Variants in SPTBN1 observed in about 807,000 individuals in gnomAD.
SPTBN1 encodes spectrin beta chain, non-erythrocytic 1.
Under a neutral mutation model 266.4 loss-of-function variants are expected in SPTBN1, and 32 were observed. That is an observed-to-expected ratio of 0.12 (90% confidence interval 0.09 to 0.16). SPTBN1 has a LOEUF of 0.16. Among genes scored for constraint, SPTBN1 ranks in the 10% least tolerant of loss-of-function variants. The pLI is 1.00. For missense variants in SPTBN1, 2,296 were observed against 3,067.1 expected, an observed-to-expected ratio of 0.75 and a Z score of 5.94; for synonymous variants, 1,336 against 1,162.2, an observed-to-expected ratio of 1.15 and a Z score of -3.04.
intron 1 of SPTBN1, among the ~76,000 whole-genome samples, chr2:54,503,122 A>C (rs1392713973): frequency 6.6e-6 from 1 of 152,100 alleles, no homozygotes; most frequent in Non-Finnish European, 1.5e-5. Flanking sequence ...TGTTGTGTGG[A>C]GGTTAATCTG....
At chr2:54,492,905 T>G (rs1259121871) in intron 1 of SPTBN1, among the ~76,000 whole-genome samples, 2 of 152,186 alleles carry the variant, frequency 1.3e-5, no homozygotes, top group South Asian at 4.1e-4. Context: ...TTTAGAAAAT[T>G]GTTGTGCAGT....
chr2:54,598,423 G>A (rs905475262), intron 2 of SPTBN1, among the ~76,000 whole-genome samples: 2 of 151,556 alleles, frequency 1.3e-5, no homozygotes, highest in Non-Finnish European at 2.9e-5. Flanking sequence ...AAGACTTCCC[G>A]ATGCCTGCGA....
chr2:54,514,556 A>G (rs1384499387), intron 1 of SPTBN1, among the ~76,000 whole-genome samples: 4 of 152,266 alleles, frequency 2.6e-5, no homozygotes, highest in Admixed American at 6.5e-5. Context: ...TTGTAGGAAG[A>G]AGATGGCTAA....
At chr2:54,621,776 C>G (rs1019785259) in intron 8 of SPTBN1, among the ~76,000 whole-genome samples, 2 of 152,218 alleles carry the variant, frequency 1.3e-5, no homozygotes, top group Non-Finnish European at 2.9e-5. Flanking sequence ...TATTGGAAAT[C>G]TGATCGAGTT....
rs532871729 is a variant in SPTBN1 at position 54,461,036 on chromosome 2, A to G, written c.-48+4518A>G. The stretch of plus-strand genomic sequence containing the variant: ...AAAAATCATAAACCAAGGGACACTC[A>G]GGCAGCCACCGGCTAGTTCAGGAAG... On this transcript the variant is annotated intron_variant, in intron 1 of 35. Transcript: ENST00000356805. 7.2e-5 allele frequency among the ~76,000 whole-genome samples: 11 copies of G among 152,274 alleles called. No homozygotes were observed. The South Asian group carries it at 1.0e-3, about 14-fold the overall frequency.
chr2:54,599,163 C>G lies in SPTBN1; in HGVS notation c.220C>G (p.Arg74Gly). ...TTCCCACCTTGCCCGTGTGTCCTGC[C>G]GGATCACAGACCTGTACACTGACCT... ...VNSHLARVSCRITDLYTDLRD... is the reference protein window; with the variant it reads ...VNSHLARVSCGITDLYTDLRD... Residue 74 changes from arginine (R) to glycine (G), a missense_variant, in exon 3 of 36, where the codon CGG becomes GGG. Arg to Gly is a moderately radical substitution (Grantham distance 125). Transcript: ENST00000356805. 1 of 1,614,108 alleles carries G rather than the reference C, an allele frequency of 6.2e-7. No individual in the cohort carries two copies. Among genetic ancestry groups the G allele is most frequent in the Non-Finnish European group, 8.5e-7 (1 of 1,180,032 alleles).
At chr2:54,461,688 T>C (rs1418711004) in intron 1 of SPTBN1, among the ~76,000 whole-genome samples, 2 of 152,260 alleles carry the variant, frequency 1.3e-5, no homozygotes, top group Non-Finnish European at 2.9e-5. Flanking sequence ...ATTATTGAGT[T>C]TGAATGTCTG....
intron 2 of SPTBN1, among the ~76,000 whole-genome samples, chr2:54,536,986 T>C (rs532459529): frequency 1.3e-5 from 2 of 152,334 alleles, no homozygotes; most frequent in South Asian, 4.1e-4. Flanking sequence ...TGAGCCGTGA[T>C]TGTGCCACTG....
chr2:54,526,322 G>T, intron 1 of SPTBN1, 50 bp from the exon 2 acceptor site: 2 of 1,473,650 alleles, frequency 1.4e-6, no homozygotes, highest in Non-Finnish European at 1.8e-6. Context: ...GTTCCGTGGG[G>T]ACTGTATACA....
chr2:54,514,021 A>G (rs981301780), intron 1 of SPTBN1, among the ~76,000 whole-genome samples: 3 of 152,236 alleles, frequency 2.0e-5, no homozygotes, highest in Non-Finnish European at 2.9e-5. Flanking sequence ...GAAGTACTTT[A>G]AAATTTTAAT....
intron 1 of SPTBN1, among the ~76,000 whole-genome samples, chr2:54,506,423 T>C (rs193272910): frequency 6.6e-6 from 1 of 151,828 alleles, no homozygotes; most frequent in Non-Finnish European, 1.5e-5. Context: ...TTAAAAAATA[T>C]AGATGACTCA....
chr2:54,567,237 T>C (rs1673723216), intron 2 of SPTBN1, among the ~76,000 whole-genome samples: 1 of 152,088 alleles, frequency 6.6e-6, no homozygotes, highest in Admixed American at 6.5e-5. Context: ...GAGGATGGGG[T>C]GGTAGGAAGG....
chr2:54,598,588 C>T lies in SPTBN1; in HGVS notation c.149-504C>T, dbSNP rs77364391. Among the ~76,000 whole-genome samples, 129 of 152,322 alleles carry T rather than the reference C, an allele frequency of 8.5e-4. No homozygotes were observed. In the East Asian group the frequency reaches 0.015, roughly 17 times the overall value. ...TGTAGATGAGGGAAGCAGTTTTCTGCTGTCTCATGAGATTTCCTACCCTAC... is the reference window on the plus strand; with the variant it reads ...TGTAGATGAGGGAAGCAGTTTTCTGTTGTCTCATGAGATTTCCTACCCTAC... On this transcript the variant is annotated intron_variant, in intron 2 of 35. Transcript: ENST00000356805.
intron 2 of SPTBN1, chr2:54,557,962 G>A (rs1672989082): frequency 1.0e-6 from 1 of 985,086 alleles, no homozygotes. Flanking sequence ...CCAGGTGCGG[G>A]CCGCGTTACC....
chr2:54,514,403 AG>A (rs1287085785), intron 1 of SPTBN1, among the ~76,000 whole-genome samples: 2 of 152,298 alleles, frequency 1.3e-5, no homozygotes, highest in Admixed American at 1.3e-4. Flanking sequence ...TTGCCCATTA[AG>A]AAAAAAAAAT....
At position 54,484,576 on chromosome 2, in the gene SPTBN1, A is replaced by G. The variant is rs58129044; in HGVS notation, c.-48+28058A>G. 5.9e-3 allele frequency among the ~76,000 whole-genome samples: 900 copies of G among 152,372 alleles called. 9 individuals carry two copies. Among genetic ancestry groups the G allele is most frequent in the African/African-American group, 0.021 (854 of 41,580 alleles). On this transcript the variant is annotated intron_variant, in intron 1 of 35. Transcript: ENST00000356805. ...TGCTAAGAGGAATAATAGGAAAGCC[A>G]GCGTTGATGACAAGTGTCTTCTGTA...
At position 54,558,456 on chromosome 2, in the gene SPTBN1, A is replaced by G. The variant is rs950853282; in HGVS notation, c.148+31890A>G. 1.4e-5 allele frequency: 15 copies of G among 1,058,720 alleles called. No homozygotes were observed. The highest frequency in any genetic ancestry group is 1.7e-5 in the African/African-American group (1 of 59,600). 65.6% of individuals were successfully genotyped at this position (1,058,720 alleles called of 1,614,324 possible). A position where few individuals can be genotyped will look rare whatever the true frequency, so the allele number is the denominator to read the frequency against. Reference sequence around the variant, plus strand: ...AACCGTGGCATGCTTAGGATTGGCCATATTTAAAAGTTCTGAAGTAGAACC... The same window carrying G: ...AACCGTGGCATGCTTAGGATTGGCCGTATTTAAAAGTTCTGAAGTAGAACC... On this transcript the variant is annotated intron_variant, in intron 2 of 35. Coordinates refer to ENST00000356805, the MANE Select transcript of SPTBN1 (RefSeq NM_003128.3). This position sits in a 1 kb window ranked among gnomAD's most constrained non-coding sequence, Gnocchi z 4.6.
At chr2:54,457,515 G>T (rs1043781973) in intron 1 of SPTBN1, among the ~76,000 whole-genome samples, 1 of 152,212 alleles carries the variant, frequency 6.6e-6, no homozygotes, top group Non-Finnish European at 1.5e-5. Flanking sequence ...GCGTGTGGGG[G>T]TGCTTCGGCG....
At chr2:54,514,296 A>G (rs111876642) in intron 1 of SPTBN1, among the ~76,000 whole-genome samples, 65 of 152,368 alleles carry the variant, frequency 4.3e-4, no homozygotes, top group Non-Finnish European at 7.1e-4. Context: ...TAAAATAAAC[A>G]GTGTATTTCC....
Sources: gnomAD v4.1 joint callset for allele counts (sites outside exome capture counted in the v4.1 genomes callset) on GRCh38, gnomAD v4.1.1 for gene constraint, Gnocchi (gnomAD v3.1) non-coding constraint, MANE v1.5 for transcripts, NCBI Gene and HGNC (gene_info 2026-07-23, HGNC 2026-07-21) for gene names.